The following RNF213 variants were observed in gnomAD, a reference collection of about 807,000 sequenced individuals.
RNF213 encodes ring finger protein 213.
Under a neutral mutation model 514.4 loss-of-function variants are expected in RNF213, and 341 were observed. The observed-to-expected ratio is 0.66, with a 90% CI of 0.61 to 0.73. RNF213 has a LOEUF of 0.73. Ranked by LOEUF, RNF213 falls within the 30% of genes least tolerant of loss-of-function variation. RNF213 has a pLI of 0.00. For missense variants in RNF213, 5,767 were observed against 6,615.6 expected (o/e 0.87, Z 4.45); for synonymous variants, 2,655 against 2,658.2 (o/e 1.00, Z 0.04).
rs1232732693 is a variant in RNF213 at position 80,263,422 on chromosome 17, G to A, written c.-108-152G>A. Among the ~76,000 whole-genome samples the A allele has an allele frequency of 6.6e-6, 1 of 152,184 alleles. No homozygotes were observed. ...TTCTCAGCAGCAGGGATGGTTCTAG[G>A]CTGGCTGAATGAGGGACCAGGGCAG... is the stretch of plus-strand genomic sequence containing the variant. On this transcript the variant is annotated intron_variant, in intron 1 of 67. Transcript: ENST00000582970. This position sits in a 1 kb window ranked among gnomAD's most constrained non-coding sequence, Gnocchi z 4.9.
rs753542031 is a variant in RNF213, at chr17:80,351,811, C to T, written c.10303+8C>T. 14 of 1,302,806 alleles carry T rather than the reference C, an allele frequency of 1.1e-5. No homozygotes were observed. Among genetic ancestry groups the T allele is most frequent in the Non-Finnish European group, 1.6e-5 (14 of 895,926 alleles). 80.7% of individuals were successfully genotyped at this position (1,302,806 alleles called of 1,614,324 possible). A position where few individuals can be genotyped will look rare whatever the true frequency, so the allele number is the denominator to read the frequency against. ...ATGTGGGCTTCCACGGAGGTGAGAT[C>T]AGAACATCAGTCAGGGTATTTATTT... On this transcript the variant is annotated splice_region_variant and intron_variant, in intron 32 of 67. Coordinates refer to ENST00000582970, the MANE Select transcript of RNF213 (RefSeq NM_001256071.3).
rs1419823094 is a variant in RNF213 at position 80,398,529 on chromosome 17, G to A, written c.*5031G>A. The A allele has an allele frequency of 6.6e-6, 1 of 152,180 alleles. No homozygotes were observed. Among genetic ancestry groups the A allele is most frequent in the Non-Finnish European group, 1.5e-5 (1 of 68,054 alleles). 9.4% of individuals were successfully genotyped at this position (152,180 alleles called of 1,614,324 possible). A position where few individuals can be genotyped will look rare whatever the true frequency, so the allele number is the denominator to read the frequency against. ...CCCTTGTTTCAAAGGTATGGCACAA[G>A]GTAACCTGTAAGCCAGGGTACCCAC... On this transcript the variant is annotated 3_prime_UTR_variant, in exon 68 of 68. Coordinates refer to ENST00000582970, the MANE Select transcript of RNF213 (RefSeq NM_001256071.3).
rs1275038718 is a variant in RNF213, at chr17:80,395,178, G to A, written c.*1680G>A. On this transcript the variant is annotated 3_prime_UTR_variant, in exon 68 of 68. Transcript: ENST00000582970. Reference sequence around the variant, plus strand: ...TTCATTTTGTGTGCTGTGCTTCAAAGCCTTAACTGTCAAATCTTGCATTAT... The same window carrying A: ...TTCATTTTGTGTGCTGTGCTTCAAAACCTTAACTGTCAAATCTTGCATTAT... 2.5e-4 allele frequency: 38 copies of A among 151,272 alleles called. 1 individual carries two copies. The highest frequency in any genetic ancestry group is 2.5e-3 in the Admixed American group (38 of 15,180). The allele number at this position is 151,272 out of a possible 1,614,324, so 9.4% of individuals were successfully genotyped here. A position where few individuals can be genotyped will look rare whatever the true frequency, so the allele number is the denominator to read the frequency against.
At position 80,353,938 on chromosome 17, in the gene RNF213, C is replaced by T. The variant is rs2078631045; in HGVS notation, c.10579-81C>T. 4 of 1,556,794 alleles carry T rather than the reference C, an allele frequency of 2.6e-6. No homozygotes were observed. The South Asian group carries it at 3.4e-5, about 13-fold the overall frequency. ...CCCTGTGCTGTTTGCTGCATTGAGACCCTCATCGCATACGGGCGGTTTGGC... is the reference window on the plus strand; with the variant it reads ...CCCTGTGCTGTTTGCTGCATTGAGATCCTCATCGCATACGGGCGGTTTGGC... On this transcript the variant is annotated intron_variant, in intron 34 of 67. Coordinates refer to ENST00000582970, the MANE Select transcript of RNF213 (RefSeq NM_001256071.3). The surrounding 1 kb of genome is among the most constrained non-coding windows in gnomAD (Gnocchi z 5.0).
intron 6 of RNF213, 128 bp from the exon 7 acceptor site, chr17:80,290,442 T>A: frequency 8.9e-7 from 1 of 1,118,772 alleles, no homozygotes; most frequent in Non-Finnish European, 1.3e-6. Context: ...CGTGTGTGCA[T>A]GTGTGTGTGC....
chr17:80,286,372 G>T lies in RNF213; in HGVS notation c.262-1443G>T, dbSNP rs115512083. On this transcript the variant is annotated intron_variant, in intron 3 of 67. Coordinates refer to ENST00000582970, the MANE Select transcript of RNF213 (RefSeq NM_001256071.3). ...AAGGAGGAGAAAATCGGAATTTCTG[G>T]CCCTGGTTCTGGCAGGAAGTGTGGC... Among the ~76,000 whole-genome samples, 562 of 152,266 alleles carry T rather than the reference G, an allele frequency of 3.7e-3. 7 individuals are homozygous for T. Among genetic ancestry groups the T allele is most frequent in the African/African-American group, 0.013 (541 of 41,548 alleles).
Position 80,391,760 on chromosome 17 carries a change from C to CTTT in RNF213, c.15471-1559_15471-1557dup, listed in dbSNP as rs779136667. Among the ~76,000 whole-genome samples the CTTT allele has an allele frequency of 1.2e-3, 103 of 88,624 alleles. 18 individuals are homozygous for CTTT. Among genetic ancestry groups the CTTT allele is most frequent in the African/African-American group, 3.0e-3 (67 of 22,544 alleles). The allele number at this position is 88,624 out of a possible 152,430, so 58.1% of individuals were successfully genotyped here. The stretch of plus-strand genomic sequence containing the variant: ...CCTTATCCCAGGATTATAAACTAGC[C>CTTT]TTTTTTTTTTTTTTTTTTTTTTTTT... On this transcript the variant is annotated intron_variant, in intron 67 of 67. Coordinates refer to ENST00000582970, the MANE Select transcript of RNF213 (RefSeq NM_001256071.3).
Position 80,298,397 on chromosome 17 carries a change from G to A in RNF213, c.2089G>A (p.Val697Ile). ...RTYTWLGALP[V>I]LHCCMELAPR... Reference sequence around the variant, plus strand: ...GTACACCTGGCTGGGCGCCCTGCCTGTCCTGCACTGCTGTATGGAGCTGGC... The same window carrying A: ...GTACACCTGGCTGGGCGCCCTGCCTATCCTGCACTGCTGTATGGAGCTGGC... Residue 697 changes from valine (V) to isoleucine (I), a missense_variant, in exon 11 of 68, where the codon GTC becomes ATC. Val to Ile is a conservative substitution (Grantham distance 29). This residue lies in a region of RNF213 where 592 missense variants were observed against 673.9 expected (regional missense o/e 0.88). Transcript: ENST00000582970. 6 of 1,614,204 alleles carry A rather than the reference G, an allele frequency of 3.7e-6. No individual in the cohort carries two copies. Among genetic ancestry groups the A allele is most frequent in the Non-Finnish European group, 5.1e-6 (6 of 1,180,028 alleles).
At chr17:80,369,990 G>A (rs1207698088) in intron 46 of RNF213, 123 bp downstream of exon 46, 19 of 753,066 alleles carry the variant, frequency 2.5e-5, no homozygotes, top group Admixed American at 7.4e-5. Flanking sequence ...GAGCTTTTTC[G>A]GTGAGACACA....
intron 1 of RNF213, among the ~76,000 whole-genome samples, chr17:80,262,655 G>T (rs2043465526): frequency 6.6e-6 from 1 of 152,178 alleles, no homozygotes; most frequent in African/African-American, 2.4e-5. Context: ...CAGAACTCCT[G>T]AGTATGTGGT....
rs755180968 is a variant in RNF213 at position 80,369,771 on chromosome 17, A to G, written c.12329A>G (p.His4110Arg). The G allele has an allele frequency of 1.7e-5, 28 of 1,613,522 alleles. No homozygotes were observed. In the Middle Eastern group the frequency reaches 8.2e-4, roughly 47 times the overall value. The stretch of plus-strand genomic sequence containing the variant: ...GCCTTTTTCTTTCTGGTTTAAGGAC[A>G]CTGTGAACACACAAAATCTCTCTCT... ...KGRLRDAAQR[H>R]CEHTKSLSPF... The change falls in exon 46 of 68, where the codon CAC becomes CGC. Residue 4110 changes from histidine (H) to arginine (R), a missense_variant. Coordinates refer to ENST00000582970, the MANE Select transcript of RNF213 (RefSeq NM_001256071.3).
chr17:80,344,901 C>G lies in RNF213; in HGVS notation c.6566C>G (p.Ser2189Cys). The G allele has an allele frequency of 1.9e-6, 3 of 1,614,160 alleles. 1 individual carries two copies. The South Asian group carries it at 3.3e-5, about 18-fold the overall frequency. ...GACACGTTTCAGTATCAAGAAGGCT[C>G]TGTCGAAGGCACCCCGGAGGAATGC... ...DLDTFQYQEGSVEGTPEECLQ... is the reference protein window; with the variant it reads ...DLDTFQYQEGCVEGTPEECLQ... Residue 2189 changes from serine to cysteine, a missense_variant, in exon 29 of 68, where the codon TCT becomes TGT. Transcript: ENST00000582970.
chr17:80,365,204 C>T (rs1428329297), intron 42 of RNF213: 1 of 155,316 alleles, frequency 6.4e-6, no homozygotes, highest in Non-Finnish European at 1.4e-5. Context: ...ATCCAGAGCC[C>T]TCACCGCCAG....
chr17:80,340,398 A>G, intron 26 of RNF213, 42 bp downstream of exon 26: 1 of 1,522,052 alleles, frequency 6.6e-7, no homozygotes, highest in South Asian at 1.2e-5. Context: ...TCTCCCAGGG[A>G]CTGCCCGGGG....
In RNF213 at chr17:80,367,709, TC is replaced by T. The variant is rs758123547; in HGVS notation, c.11872-33del. On this transcript the variant is annotated intron_variant, in intron 42 of 67. Coordinates refer to ENST00000582970, the MANE Select transcript of RNF213 (RefSeq NM_001256071.3). ...CGCCCGGCCTGGCCGCCCTCAGCCC[TC>T]CCCCCTGCTAATGACTCCTGTCCCT... 5 of 1,560,894 alleles carry T rather than the reference TC, an allele frequency of 3.2e-6. No individual in the cohort carries two copies. In the East Asian group the frequency reaches 6.7e-5, roughly 21 times the overall value.
At chr17:80,329,227 C>A (rs1212394753) in intron 20 of RNF213, among the ~76,000 whole-genome samples, 1 of 152,268 alleles carries the variant, frequency 6.6e-6, no homozygotes, top group African/African-American at 2.4e-5. Context: ...CACACCCTCA[C>A]TGGCTTCCTG....
chr17:80,365,733 C>G (rs1259149483), intron 42 of RNF213, among the ~76,000 whole-genome samples: 18 of 152,290 alleles, frequency 1.2e-4, no homozygotes, highest in Middle Eastern at 3.4e-3. Context: ...CCGGTGCCCC[C>G]CTTCCACCCT....
Position 80,349,839 on chromosome 17 carries a change from G to C in RNF213, c.10021G>C (p.Ala3341Pro). The C allele has an allele frequency of 6.2e-7, 1 of 1,614,054 alleles. No homozygotes were observed. Among genetic ancestry groups the C allele is most frequent in the Non-Finnish European group, 8.5e-7 (1 of 1,179,990 alleles). The change falls in exon 30 of 68, where the codon GCT (alanine) becomes CCT (proline). Residue 3341 changes from alanine to proline, a missense_variant. Physicochemically the swap from Ala to Pro is conservative, Grantham distance 27. Transcript: ENST00000582970. The part of the protein sequence containing the change: ...EILESEVTGR[A>P]PKPTLLWLQQ... ...TTTAGAATCAGAGGTCACAGGCAGG[G>C]CTCCGAAACCCACACTCCTGTGGCT...
chr17:80,336,030 G>A, intron 22 of RNF213, 131 bp from the exon 23 acceptor site: 1 of 695,432 alleles, frequency 1.4e-6, no homozygotes, highest in Admixed American at 2.9e-5. Flanking sequence ...CTTACTGAAA[G>A]CAGAAAGTGG....
Sources: gnomAD v4.1 joint callset for allele counts (sites outside exome capture counted in the v4.1 genomes callset) on GRCh38, gnomAD v4.1.1 for gene constraint, gnomAD v4.1.1 regional missense constraint, Gnocchi (gnomAD v3.1) non-coding constraint, MANE v1.5 for transcripts, NCBI Gene and HGNC (gene_info 2026-07-23, HGNC 2026-07-21) for gene names.